Variants in OSBPL6 observed in about 807,000 individuals in gnomAD.
The protein encoded by OSBPL6 is oxysterol binding protein like 6.
Under a neutral mutation model 125.8 loss-of-function variants are expected in OSBPL6, and 49 were observed. The observed-to-expected ratio is 0.39, with a 90% CI of 0.31 to 0.49. The LOEUF is 0.49. Ranked by LOEUF, OSBPL6 falls within the 20% of genes least tolerant of loss-of-function variation. The pLI is 0.88. For missense variants in OSBPL6, 986 were observed against 1,135.4 expected, an observed-to-expected ratio of 0.87 and a Z score of 1.89; for synonymous variants, 394 against 391.8, an observed-to-expected ratio of 1.01 and a Z score of -0.07.
At chr2:178,237,830 C>A (rs971315650) in intron 1 of OSBPL6, among the ~76,000 whole-genome samples, 1 of 152,166 alleles carries the variant, frequency 6.6e-6, no homozygotes, top group Non-Finnish European at 1.5e-5. Flanking sequence ...ATGATTCTTG[C>A]AATCAAGCCA....
At chr2:178,392,362 A>G (rs1164516157) in intron 22 of OSBPL6, 50 bp from the exon 23 acceptor site, 9 of 1,602,996 alleles carry the variant, frequency 5.6e-6, no homozygotes, top group Non-Finnish European at 7.7e-6. Flanking sequence ...AGCTTCTTCC[A>G]GTTCCATAAA....
chr2:178,254,389 T>C (rs1223890700), intron 1 of OSBPL6, among the ~76,000 whole-genome samples: 1 of 135,764 alleles, frequency 7.4e-6, no homozygotes, highest in Non-Finnish European at 1.5e-5. Flanking sequence ...TGAGATTCTG[T>C]CTCAAAAAAA....
At chr2:178,358,619 A>G (rs1372695514) in intron 12 of OSBPL6, among the ~76,000 whole-genome samples, 1 of 152,186 alleles carries the variant, frequency 6.6e-6, no homozygotes, top group Non-Finnish European at 1.5e-5. Context: ...AAAAGACCTA[A>G]ATGTAAGACC....
chr2:178,320,223 G>A, intron 3 of OSBPL6: 1 of 1,571,204 alleles, frequency 6.4e-7, no homozygotes, highest in Non-Finnish European at 8.6e-7. Flanking sequence ...AAGTAAACTA[G>A]ACTACAGTCA....
At chr2:178,379,366 A>AAAGG (rs1694241867) in intron 15 of OSBPL6, among the ~76,000 whole-genome samples, 3 of 145,194 alleles carry the variant, frequency 2.1e-5, no homozygotes, top group Non-Finnish European at 4.6e-5. Context: ...GGAAGGAAGG[A>AAAGG]AAGGGAGGGA....
In OSBPL6 at chr2:178,395,541, C is replaced by T. The variant is rs1256645996; in HGVS notation, c.2787C>T (p.Asp929=). The change falls in exon 25 of 25, where the codon GAC becomes GAT. Residue 929 remains aspartate (D), a synonymous_variant. Coordinates refer to ENST00000190611, the MANE Select transcript of OSBPL6 (RefSeq NM_032523.4). ...LRKDPGFSKV[D]SPVLW is the part of the protein sequence containing the mutation. Reference sequence around the variant, plus strand: ...AGGACCCTGGGTTTAGCAAAGTAGACAGCCCTGTTCTTTGGTAGACTGGGA... The same window carrying T: ...AGGACCCTGGGTTTAGCAAAGTAGATAGCCCTGTTCTTTGGTAGACTGGGA... 1.9e-6 allele frequency: 3 copies of T among 1,612,046 alleles called. No homozygotes were observed. The East Asian group carries it at 6.7e-5, about 36-fold the overall frequency.
Position 178,332,962 on chromosome 2 carries a change from A to T in OSBPL6, c.578A>T (p.Asp193Val). ...AATGAAATTGTGAGATCACCAAGAG[A>T]TGCTAGTTTTCACATATTTCCTTCA... ...RQNEIVRSPR[D>V]ASFHIFPSTS... Residue 193 changes from aspartate (D) to valine (V), a missense_variant, in exon 8 of 25, where the codon GAT becomes GTT. Coordinates refer to ENST00000190611, the MANE Select transcript of OSBPL6 (RefSeq NM_032523.4). 6.2e-7 allele frequency: 1 copy of T among 1,614,172 alleles called. No individual in the cohort carries two copies. The highest frequency in any genetic ancestry group is 8.5e-7 in the Non-Finnish European group (1 of 1,180,004).
At chr2:178,378,684 A>G (rs986352760) in intron 15 of OSBPL6, among the ~76,000 whole-genome samples, 6 of 152,236 alleles carry the variant, frequency 3.9e-5, no homozygotes, top group African/African-American at 1.4e-4. Context: ...GTTTGATTAC[A>G]ATAGTGCAGA....
At chr2:178,357,783 A>G (rs1691943915) in intron 12 of OSBPL6, among the ~76,000 whole-genome samples, 1 of 152,226 alleles carries the variant, frequency 6.6e-6, no homozygotes, top group Admixed American at 6.5e-5. Flanking sequence ...ACACATGCAC[A>G]CATATGTTTA....
At chr2:178,299,254 A>T (rs191888559) in intron 2 of OSBPL6, among the ~76,000 whole-genome samples, 3 of 152,314 alleles carry the variant, frequency 2.0e-5, no homozygotes, top group African/African-American at 4.8e-5. Flanking sequence ...ATGTCTTTTC[A>T]TGGCCTTGAT....
intron 6 of OSBPL6, 86 bp from the exon 7 acceptor site, chr2:178,332,555 A>G: frequency 1.1e-6 from 1 of 948,636 alleles, no homozygotes; most frequent in South Asian, 1.5e-5. Flanking sequence ...AGATAAGTTA[A>G]AGATTACTTT....
In OSBPL6 at chr2:178,395,798, A is replaced by T. The variant is rs992407485; in HGVS notation, c.*239A>T. Reference sequence around the variant, plus strand: ...AAAAAAAAAAAAAAAAAAAAAAAAAAAATCCACACCGTCCTTGGAAAGCAG... The same window carrying T: ...AAAAAAAAAAAAAAAAAAAAAAAAATAATCCACACCGTCCTTGGAAAGCAG... On this transcript the variant is annotated 3_prime_UTR_variant, in exon 25 of 25. Transcript: ENST00000190611. 6.0e-6 allele frequency: 3 copies of T among 500,260 alleles called. No individual in the cohort carries two copies. In the African/African-American group the frequency reaches 6.5e-5, roughly 11 times the overall value. 31.0% of individuals were successfully genotyped at this position (500,260 alleles called of 1,614,324 possible).
chr2:178,282,393 G>A (rs138791416), intron 1 of OSBPL6, among the ~76,000 whole-genome samples: 1 of 152,244 alleles, frequency 6.6e-6, no homozygotes, highest in Non-Finnish European at 1.5e-5. Context: ...GGAAGGAAAG[G>A]AAGCCTTAAT....
intron 1 of OSBPL6, among the ~76,000 whole-genome samples, chr2:178,205,950 T>C (rs752027296): frequency 5.9e-5 from 9 of 152,226 alleles, no homozygotes; most frequent in Non-Finnish European, 1.3e-4. Context: ...AGTATTAATT[T>C]TGCCTTTTTT....
At chr2:178,327,177 T>C (rs1289296744) in intron 4 of OSBPL6, among the ~76,000 whole-genome samples, 1 of 151,970 alleles carries the variant, frequency 6.6e-6, no homozygotes, top group East Asian at 1.9e-4. Flanking sequence ...AATAAAAAAT[T>C]GGAAAAAAGA....
intron 4 of OSBPL6, 109 bp from the exon 5 acceptor site, chr2:178,328,147 T>C (rs1382608685): frequency 1.1e-5 from 15 of 1,380,768 alleles, no homozygotes; most frequent in Non-Finnish European, 1.5e-5. Flanking sequence ...CATCCTTCTT[T>C]CTGGTGGGCC....
intron 3 of OSBPL6, among the ~76,000 whole-genome samples, chr2:178,310,500 C>T (rs1201435415): frequency 6.9e-6 from 1 of 143,914 alleles, no homozygotes; most frequent in Non-Finnish European, 1.5e-5. Flanking sequence ...TCACTGCAAG[C>T]TCTGCCTCCT....
At chr2:178,338,479 CT>C (rs1240503553) in intron 9 of OSBPL6, among the ~76,000 whole-genome samples, 1 of 152,114 alleles carries the variant, frequency 6.6e-6, no homozygotes, top group African/African-American at 2.4e-5. Flanking sequence ...AATATAATGT[CT>C]CTAAGAAATT....
chr2:178,317,077 C>T (rs1687799759), intron 3 of OSBPL6, among the ~76,000 whole-genome samples: 1 of 150,972 alleles, frequency 6.6e-6, no homozygotes. Context: ...TTCTGTTTTC[C>T]CCCCAAAATT....
Sources: gnomAD v4.1 joint callset for allele counts (sites outside exome capture counted in the v4.1 genomes callset) on GRCh38, gnomAD v4.1.1 for gene constraint, MANE v1.5 for transcripts, NCBI Gene and HGNC (gene_info 2026-07-23, HGNC 2026-07-21) for gene names.